The following MAP7D1 variants were observed in gnomAD, a reference collection of about 807,000 sequenced individuals.
The protein encoded by MAP7D1 is MAP7 domain containing 1.
Under a neutral mutation model 97.5 loss-of-function variants are expected in MAP7D1, and 30 were observed. That is an observed-to-expected ratio of 0.31 (90% confidence interval 0.23 to 0.42). The LOEUF is 0.42. Ranked by LOEUF, MAP7D1 falls within the 10% of genes least tolerant of loss-of-function variation. MAP7D1 has a pLI of 1.00. For missense variants in MAP7D1, 1,184 were observed against 1,179.5 expected (o/e 1.00, Z -0.06); for synonymous variants, 536 against 477.1 (o/e 1.12, Z -1.61).
At position 36,178,131 on chromosome 1, in the gene MAP7D1, A is replaced by T. The variant is rs1282449098; in HGVS notation, c.1638A>T (p.Ala546=). ...EKESAAPASP[A]PSPAPSPTPA... is the part of the protein sequence containing the mutation. The stretch of plus-strand genomic sequence containing the variant: ...AGTCAGCAGCCCCAGCCTCACCGGC[A>T]CCTTCGCCGGCGCCCTCGCCCACCC... The change falls in exon 9 of 17, where the codon GCA becomes GCT. Residue 546 remains alanine (A), a synonymous_variant. Transcript: ENST00000474796. 1 of 1,587,210 alleles carries T rather than the reference A, an allele frequency of 6.3e-7. No individual in the cohort carries two copies. Among genetic ancestry groups the T allele is most frequent in the Non-Finnish European group, 8.6e-7 (1 of 1,168,078 alleles).
chr1:36,172,578 G>T lies in MAP7D1; in HGVS notation c.575G>T (p.Arg192Leu), dbSNP rs970184995. The part of the protein sequence containing the change: ...LEEQRLKAEQ[R>L]RAALEERQRQ... ...GAGCAACGTCTTAAAGCCGAGCAACGCCGTGCAGCCCTGGAGGAACGGCAG... is the reference window on the plus strand; with the variant it reads ...GAGCAACGTCTTAAAGCCGAGCAACTCCGTGCAGCCCTGGAGGAACGGCAG... Residue 192 changes from arginine to leucine, a missense_variant, in exon 4 of 17, where the codon CGC (arginine) becomes CTC (leucine). By Grantham distance (102) the Arg-to-Leu change is moderately radical. Coordinates refer to ENST00000474796, the MANE Select transcript of MAP7D1 (RefSeq NM_001388490.1). 6.3e-7 allele frequency: 1 copy of T among 1,590,364 alleles called. No individual in the cohort carries two copies. Among genetic ancestry groups the T allele is most frequent in the South Asian group, 1.1e-5 (1 of 90,394 alleles).
intron 6 of MAP7D1, 138 bp downstream of exon 6, chr1:36,175,146 G>A: frequency 1.5e-6 from 1 of 649,312 alleles, no homozygotes; most frequent in South Asian, 1.7e-5. Context: ...CCTTACCCAG[G>A]GCTCTGTGCC....
At position 36,159,998 on chromosome 1, in the gene MAP7D1, C is replaced by T. The variant is rs1209042566; in HGVS notation, c.46+3535C>T. ...AGGGATACTAGGCCAGCTCAGGTCC[C>T]CTTTCCTAACATGATAGTGGGGAAG... is the stretch of plus-strand genomic sequence containing the variant. On this transcript the variant is annotated intron_variant, in intron 1 of 16. Transcript: ENST00000474796. This position sits in a 1 kb window ranked among gnomAD's most constrained non-coding sequence, Gnocchi z 5.4. Among the ~76,000 whole-genome samples the T allele has an allele frequency of 6.6e-6, 1 of 152,350 alleles. No homozygotes were observed.
At chr1:36,158,204 G>A (rs1644363324) in intron 1 of MAP7D1, among the ~76,000 whole-genome samples, 1 of 152,010 alleles carries the variant, frequency 6.6e-6, no homozygotes, top group African/African-American at 2.4e-5. Flanking sequence ...CTGCATATAG[G>A]CTTCTTGCAT....
chr1:36,174,129 T>C (rs560045650), intron 5 of MAP7D1, among the ~76,000 whole-genome samples: 1 of 152,336 alleles, frequency 6.6e-6, no homozygotes, highest in South Asian at 2.1e-4. Context: ...TCTCACTTTC[T>C]TCATCTATAA....
intron 14 of MAP7D1, 28 bp from the exon 15 acceptor site, chr1:36,179,638 G>A (rs1000597378): frequency 4.5e-6 from 7 of 1,542,680 alleles, no homozygotes; most frequent in Non-Finnish European, 6.1e-6. Flanking sequence ...CCAGCCCCTG[G>A]CTGATGGCCC....
chr1:36,180,101 C>T (rs544647858), intron 16 of MAP7D1, 34 bp downstream of exon 16: 20 of 1,611,456 alleles, frequency 1.2e-5, no homozygotes, highest in Middle Eastern at 1.7e-4. Context: ...CAGCTCCATT[C>T]CTCCCAGCAG....
At chr1:36,165,847 C>T (rs1644467706) in intron 1 of MAP7D1, among the ~76,000 whole-genome samples, 2 of 151,430 alleles carry the variant, frequency 1.3e-5, no homozygotes, top group Non-Finnish European at 2.9e-5. Flanking sequence ...TCACCAGCCT[C>T]AGCCTCCCGA....
chr1:36,172,586 G>C lies in MAP7D1; in HGVS notation c.583G>C (p.Ala195Pro). ...QRLKAEQRRA[A>P]LEERQRQKLE... ...TCTTAAAGCCGAGCAACGCCGTGCA[G>C]CCCTGGAGGAACGGCAGCGGCAGAA... Residue 195 changes from alanine (A) to proline (P), a missense_variant, in exon 4 of 17, where the codon GCC (alanine) becomes CCC (proline). Coordinates refer to ENST00000474796, the MANE Select transcript of MAP7D1 (RefSeq NM_001388490.1). 1 of 1,580,714 alleles carries C rather than the reference G, an allele frequency of 6.3e-7. No homozygotes were observed. The highest frequency in any genetic ancestry group is 2.3e-5 in the East Asian group (1 of 43,932).
In MAP7D1 at chr1:36,156,364, G is replaced by GGCCGCC. The variant is rs905194082; in HGVS notation, c.-39_-34dup. Reference sequence around the variant, plus strand: ...CCGCGGGACCCCTGTCCTGGCCACTGGCCGCCGCCGCCGCCGCCGCTGAGA... The same window carrying GGCCGCC: ...CCGCGGGACCCCTGTCCTGGCCACTGGCCGCCGCCGCCGCCGCCGCCGCCGCTGAGA... On this transcript the variant is annotated 5_prime_UTR_variant, in exon 1 of 17. Transcript: ENST00000474796. 6 of 1,445,868 alleles carry GGCCGCC rather than the reference G, an allele frequency of 4.1e-6. No homozygotes were observed. The highest frequency in any genetic ancestry group is 6.0e-5 in the East Asian group (2 of 33,520). 89.6% of individuals were successfully genotyped at this position (1,445,868 alleles called of 1,614,324 possible).
intron 16 of MAP7D1, 39 bp downstream of exon 16, chr1:36,180,106 C>G: frequency 6.2e-7 from 1 of 1,611,196 alleles, no homozygotes; most frequent in South Asian, 1.1e-5. Flanking sequence ...CCATTCCTCC[C>G]AGCAGCCTTC....
intron 16 of MAP7D1, 32 bp from the exon 17 acceptor site, chr1:36,180,216 C>T: frequency 2.5e-6 from 4 of 1,614,060 alleles, no homozygotes; most frequent in Non-Finnish European, 2.5e-6. Flanking sequence ...GTGCTGTTTG[C>T]CCTGACTGTT....
intron 1 of MAP7D1, among the ~76,000 whole-genome samples, chr1:36,163,481 G>C (rs1233054165): frequency 6.6e-6 from 1 of 152,186 alleles, no homozygotes; most frequent in East Asian, 1.9e-4. Context: ...ATACTGTATA[G>C]ATAACTAACC....
chr1:36,176,586 G>T lies in MAP7D1; in HGVS notation c.1233+5G>T. On this transcript the variant is annotated splice_donor_5th_base_variant and intron_variant, in intron 7 of 16. Transcript: ENST00000474796. This position sits in a 1 kb window ranked among gnomAD's most constrained non-coding sequence, Gnocchi z 6.1. ...CGCCGGCCGGAGGCCTCGCCGGTGAGTGGCTCTACTGGCTCGAGTGGCCGC... is the reference window on the plus strand; with the variant it reads ...CGCCGGCCGGAGGCCTCGCCGGTGATTGGCTCTACTGGCTCGAGTGGCCGC... 6.5e-7 allele frequency: 1 copy of T among 1,531,100 alleles called. No homozygotes were observed. The allele number at this position is 1,531,100 out of a possible 1,614,324, so 94.8% of individuals were successfully genotyped here.
intron 1 of MAP7D1, among the ~76,000 whole-genome samples, chr1:36,165,812 C>T: frequency 6.8e-6 from 1 of 147,798 alleles, no homozygotes; most frequent in East Asian, 2.0e-4. Flanking sequence ...CTCACCGCAT[C>T]CTCTGCCTCC....
chr1:36,168,159 G>T (rs1644495821), intron 1 of MAP7D1, among the ~76,000 whole-genome samples: 2 of 152,142 alleles, frequency 1.3e-5, no homozygotes, highest in South Asian at 4.1e-4. Context: ...GCTGGGTGTG[G>T]TGGTGCCTGC....
At chr1:36,175,393 C>T (rs186317541) in intron 6 of MAP7D1, among the ~76,000 whole-genome samples, 1 of 152,294 alleles carries the variant, frequency 6.6e-6, no homozygotes, top group Non-Finnish European at 1.5e-5. Flanking sequence ...TCAGACTGGC[C>T]TGGGTGCTGT....
In MAP7D1 at chr1:36,178,568, G is replaced by A. The variant is rs1644665133; in HGVS notation, c.1858G>A (p.Glu620Lys). The A allele has an allele frequency of 6.3e-7, 1 of 1,590,440 alleles. No individual in the cohort carries two copies. Among genetic ancestry groups the A allele is most frequent in the Non-Finnish European group, 8.5e-7 (1 of 1,170,168 alleles). The change falls in exon 10 of 17, where the codon GAG (glutamate) becomes AAG (lysine). Residue 620 changes from glutamate to lysine, a missense_variant. Coordinates refer to ENST00000474796, the MANE Select transcript of MAP7D1 (RefSeq NM_001388490.1). Reference sequence around the variant, plus strand: ...GGAGCAGCGGGAGCGCGAGGAGCAGGAGCGGAGGCTGCAGGCAGAAAGGGA... The same window carrying A: ...GGAGCAGCGGGAGCGCGAGGAGCAGAAGCGGAGGCTGCAGGCAGAAAGGGA... ...AREQREREEQ[E>K]RRLQAERDKR...
Position 36,178,704 on chromosome 1 carries a change from C to G in MAP7D1, c.1906C>G (p.Leu636Val), listed in dbSNP as rs568600491. The G allele has an allele frequency of 2.3e-5, 36 of 1,533,278 alleles. No homozygotes were observed. Among genetic ancestry groups the G allele is most frequent in the Non-Finnish European group, 2.0e-5 (23 of 1,140,384 alleles). 95.0% of individuals were successfully genotyped at this position (1,533,278 alleles called of 1,614,324 possible). A position where few individuals can be genotyped will look rare whatever the true frequency, so the allele number is the denominator to read the frequency against. The change falls in exon 11 of 17, where the codon CTG (leucine) becomes GTG (valine). Residue 636 changes from leucine to valine, a missense_variant. Leu to Val is a conservative substitution (Grantham distance 32, BLOSUM62 1). Transcript: ENST00000474796. Reference sequence around the variant, plus strand: ...CCCCAGGCGAATGCGAGAGGAGCAGCTGGCACGGGAGGCCGAGGCCCGGGC... The same window carrying G: ...CCCCAGGCGAATGCGAGAGGAGCAGGTGGCACGGGAGGCCGAGGCCCGGGC... Reference protein sequence around the residue: ...ERDKRMREEQLAREAEARAER... With the variant: ...ERDKRMREEQVAREAEARAER...
Sources: allele counts gnomAD v4.1 joint callset (sites outside exome capture counted in the v4.1 genomes callset), GRCh38; gene constraint gnomAD v4.1.1; non-coding constraint Gnocchi (gnomAD v3.1); transcripts MANE v1.5; gene names NCBI Gene and HGNC (gene_info 2026-07-23, HGNC 2026-07-21).